STOX1: variants seen among roughly 807,000 people sequenced by gnomAD.
STOX1 encodes storkhead-box protein 1.
Under a neutral mutation model 74.8 loss-of-function variants are expected in STOX1, and 57 were observed. The observed-to-expected ratio is 0.76, with a 90% CI of 0.62 to 0.95. The LOEUF is 0.95. Ranked by LOEUF, STOX1 falls within the 40% of genes least tolerant of loss-of-function variation. STOX1 has a pLI of 0.00. For missense variants in STOX1, 1,010 were observed against 1,117.0 expected, an observed-to-expected ratio of 0.90 and a Z score of 1.37; for synonymous variants, 375 against 401.3, an observed-to-expected ratio of 0.93 and a Z score of 0.78.
At chr10:68,894,755 G>A (rs899812925), downstream of STOX1, among the ~76,000 whole-genome samples, 5 of 152,076 alleles carry the variant, frequency 3.3e-5, no homozygotes, top group African/African-American at 9.7e-5. Context: ...TTTGAGACGG[G>A]GTCTCTGTCA....
intron 1 of STOX1, among the ~76,000 whole-genome samples, chr10:68,851,858 G>A (rs528811256): frequency 6.6e-6 from 1 of 152,044 alleles, no homozygotes; most frequent in Non-Finnish European, 1.5e-5. Flanking sequence ...AAACAGCCGG[G>A]CGTGTTGGCT....
intron 1 of STOX1, among the ~76,000 whole-genome samples, chr10:68,879,695 T>C (rs564783910): frequency 1.3e-5 from 2 of 152,302 alleles, no homozygotes; most frequent in South Asian, 4.1e-4. Context: ...AGATTTTGCA[T>C]ACAAATGGTC....
intron 1 of STOX1, among the ~76,000 whole-genome samples, chr10:68,849,202 A>G (rs1226301092): frequency 6.6e-6 from 1 of 152,106 alleles, no homozygotes; most frequent in African/African-American, 2.4e-5. Flanking sequence ...TTCAGGTTCA[A>G]CCAGGCATTA....
chr10:68,840,133 T>A (rs1397385974), intron 1 of STOX1, among the ~76,000 whole-genome samples: 1 of 152,110 alleles, frequency 6.6e-6, no homozygotes, highest in Non-Finnish European at 1.5e-5. Flanking sequence ...AATCTCCACA[T>A]GCAAAGGAAT....
chr10:68,845,416 G>C (rs1396092293), intron 1 of STOX1, among the ~76,000 whole-genome samples: 7 of 151,338 alleles, frequency 4.6e-5, no homozygotes, highest in Admixed American at 1.3e-4. Flanking sequence ...TGGGACTACA[G>C]GCGCCTGCCA....
At chr10:68,877,751 C>T (rs1028633156) in intron 1 of STOX1, among the ~76,000 whole-genome samples, 2 of 152,228 alleles carry the variant, frequency 1.3e-5, no homozygotes, top group African/African-American at 4.8e-5. Context: ...CCCCACCCCA[C>T]CTCCAAGTTC....
chr10:68,846,127 TA>T (rs752447411), intron 1 of STOX1, among the ~76,000 whole-genome samples: 11,001 of 95,536 alleles, frequency 0.12, 667 homozygotes, highest in East Asian at 0.35. Flanking sequence ...TTTTTATTAT[TA>T]TTATTATTAT....
chr10:68,848,828 C>A lies in STOX1; in HGVS notation c.310+20895C>A, dbSNP rs572237499. 1.1e-4 allele frequency among the ~76,000 whole-genome samples: 17 copies of A among 152,216 alleles called. No individual in the cohort carries two copies. In the East Asian group the frequency reaches 3.3e-3, roughly 29 times the overall value. On this transcript the variant is annotated intron_variant, in intron 1 of 3. Coordinates refer to ENST00000298596, the MANE Select transcript of STOX1 (RefSeq NM_152709.5). ...TACACACTCTTGCTACCATGCCTGGCTAATTTTTTAAAAAATTTTCCTGTA... is the reference window on the plus strand; with the variant it reads ...TACACACTCTTGCTACCATGCCTGGATAATTTTTTAAAAAATTTTCCTGTA...
At chr10:68,835,376 C>T (rs1461442596) in intron 1 of STOX1, among the ~76,000 whole-genome samples, 1 of 151,762 alleles carries the variant, frequency 6.6e-6, no homozygotes, top group Non-Finnish European at 1.5e-5. Context: ...GAGGGTTTCA[C>T]TCTGTCATCC....
intron 1 of STOX1, among the ~76,000 whole-genome samples, chr10:68,829,659 A>C (rs2133478943): frequency 6.6e-6 from 1 of 152,280 alleles, no homozygotes; most frequent in African/African-American, 2.4e-5. Context: ...ACATCCCAGC[A>C]GCCAGTGCTT....
At chr10:68,860,018 G>T (rs60703766) in intron 1 of STOX1, among the ~76,000 whole-genome samples, 1 of 151,896 alleles carries the variant, frequency 6.6e-6, no homozygotes, top group African/African-American at 2.4e-5. Flanking sequence ...GCGGCTATGC[G>T]TGGTGGCTCA....
chr10:68,835,802 G>C (rs140992751), intron 1 of STOX1, among the ~76,000 whole-genome samples: 17 of 152,312 alleles, frequency 1.1e-4, no homozygotes, highest in African/African-American at 4.1e-4. Flanking sequence ...GACTTGAGGA[G>C]TCACTGAAAA....
Position 68,884,992 on chromosome 10 carries a change from T to G in STOX1, c.1196T>G (p.Met399Arg). 6.2e-7 allele frequency: 1 copy of G among 1,614,114 alleles called. No homozygotes were observed. Among genetic ancestry groups the G allele is most frequent in the Non-Finnish European group, 8.5e-7 (1 of 1,180,034 alleles). The stretch of plus-strand genomic sequence containing the variant: ...AATAGCCAGGGCACTTCCACTGACA[T>G]GCTGACAATCGGGCATAAGTATCCT... Reference protein sequence around the residue: ...KYNSQGTSTDMLTIGHKYPSK... With the variant: ...KYNSQGTSTDRLTIGHKYPSK... Residue 399 changes from methionine (M) to arginine (R), a missense_variant, in exon 3 of 4, where the codon ATG becomes AGG. Physicochemically the swap from Met to Arg is moderately conservative, Grantham distance 91. Transcript: ENST00000298596.
Position 68,846,169 on chromosome 10 carries a change from C to T in STOX1, c.310+18236C>T, listed in dbSNP as rs571023342. The stretch of plus-strand genomic sequence containing the variant: ...TTATTATTATTATTATTATTTGAGA[C>T]GGAGTCTCGCTCTGTCACCCAGGCT... On this transcript the variant is annotated intron_variant, in intron 1 of 3. Coordinates refer to ENST00000298596, the MANE Select transcript of STOX1 (RefSeq NM_152709.5). Among the ~76,000 whole-genome samples, 398 of 96,906 alleles carry T rather than the reference C, an allele frequency of 4.1e-3. 5 individuals carry two copies. Among genetic ancestry groups the T allele is most frequent in the African/African-American group, 0.014 (370 of 27,244 alleles). 63.6% of individuals were successfully genotyped at this position (96,906 alleles called of 152,430 possible).
intron 3 of STOX1, among the ~76,000 whole-genome samples, chr10:68,891,283 A>G (rs1321175362): frequency 1.3e-5 from 2 of 152,198 alleles, no homozygotes; most frequent in African/African-American, 4.8e-5. Context: ...GATGAACAAG[A>G]CATTGTTTCT....
At chr10:68,871,944 C>A (rs1052437930) in intron 1 of STOX1, among the ~76,000 whole-genome samples, 2 of 152,196 alleles carry the variant, frequency 1.3e-5, no homozygotes, top group Non-Finnish European at 2.9e-5. Context: ...AAATTCTGTA[C>A]TGGATAAAAG....
chr10:68,856,518 A>G (rs1476360953), intron 1 of STOX1, among the ~76,000 whole-genome samples: 3 of 152,050 alleles, frequency 2.0e-5, no homozygotes, highest in African/African-American at 7.3e-5. Context: ...ACCTGACACA[A>G]CTATCAACAT....
downstream of STOX1, chr10:68,893,085 A>T: frequency 4.1e-6 from 1 of 241,012 alleles, no homozygotes; most frequent in Non-Finnish European, 8.2e-6. Flanking sequence ...TTTTTTTTTA[A>T]CCTACACTAA....
intron 1 of STOX1, among the ~76,000 whole-genome samples, chr10:68,873,175 A>G (rs1840577259): frequency 6.6e-6 from 1 of 151,722 alleles, no homozygotes. Context: ...GTGCCCAGCC[A>G]CATTCAGATT....
Sources: allele counts gnomAD v4.1 joint callset (sites outside exome capture counted in the v4.1 genomes callset), GRCh38; gene constraint gnomAD v4.1.1; transcripts MANE v1.5; gene names NCBI Gene and HGNC (gene_info 2026-07-23, HGNC 2026-07-21).